PFDN1: variants seen among roughly 807,000 people sequenced by gnomAD.
The protein encoded by PFDN1 is prefoldin 1.
In PFDN1, 6 loss-of-function variants were observed where a neutral mutation model predicts 17.3. The observed-to-expected ratio is 0.35, with a 90% CI of 0.19 to 0.69. The LOEUF is 0.69. Among genes scored for constraint, PFDN1 ranks in the 30% least tolerant of loss-of-function variants. The pLI, the probability that PFDN1 is intolerant of heterozygous loss-of-function variation, is 0.65. For synonymous variants in PFDN1, 58 were observed against 50.1 expected, an observed-to-expected ratio of 1.16 and a Z score of -0.67; for missense variants, 113 against 146.2, an observed-to-expected ratio of 0.77 and a Z score of 1.17.
At chr5:140,285,124 G>A (rs1581095109) in intron 2 of PFDN1, among the ~76,000 whole-genome samples, 2 of 152,142 alleles carry the variant, frequency 1.3e-5, no homozygotes, top group East Asian at 1.9e-4. Flanking sequence ...ACAACAAAAT[G>A]CTTATGACGA....
At position 140,245,153 on chromosome 5, in the gene PFDN1, G is replaced by A. The variant is rs570078647; in HGVS notation, c.*821C>T. On this transcript the variant is annotated 3_prime_UTR_variant, in exon 4 of 4. Coordinates refer to ENST00000261813, the MANE Select transcript of PFDN1 (RefSeq NM_002622.5). ...ATTATAATGGCTGTGTTTGACAACTGGCTTGCAACAAAATTCTTGAAAATT... is the reference window on the plus strand; with the variant it reads ...ATTATAATGGCTGTGTTTGACAACTAGCTTGCAACAAAATTCTTGAAAATT... The A allele has an allele frequency of 2.1e-5, 6 of 284,716 alleles. No individual in the cohort carries two copies. The highest frequency in any genetic ancestry group is 8.7e-5 in the African/African-American group (4 of 46,042). 17.6% of individuals were successfully genotyped at this position (284,716 alleles called of 1,614,324 possible). A position where few individuals can be genotyped will look rare whatever the true frequency, so the allele number is the denominator to read the frequency against.
chr5:140,276,056 GAT>G (rs1765287865), intron 3 of PFDN1, among the ~76,000 whole-genome samples: 3 of 150,654 alleles, frequency 2.0e-5, no homozygotes, highest in Admixed American at 1.3e-4. Flanking sequence ...TGATGATGAT[GAT>G]GATAATTACA....
At chr5:140,263,192 G>A (rs747357778) in intron 3 of PFDN1, among the ~76,000 whole-genome samples, 3 of 152,192 alleles carry the variant, frequency 2.0e-5, no homozygotes, top group East Asian at 1.9e-4. Flanking sequence ...AAAGGGGCTC[G>A]GCCCCTTCTG....
chr5:140,283,100 T>C (rs1765434334), intron 2 of PFDN1, among the ~76,000 whole-genome samples: 1 of 152,220 alleles, frequency 6.6e-6, no homozygotes, highest in Non-Finnish European at 1.5e-5. Context: ...CAATTAGCTA[T>C]GCCCCAACAC....
rs1476662019 is a variant in PFDN1, at chr5:140,246,047, G to T, written c.296C>A (p.Ser99Tyr). 2 of 1,556,022 alleles carry T rather than the reference G, an allele frequency of 1.3e-6. No individual in the cohort carries two copies. The highest frequency in any genetic ancestry group is 8.7e-7 in the Non-Finnish European group (1 of 1,147,532). ...EKIKELEQKK[S>Y]YLERSVKEAE... ...TTCCTTAACGCTTCGCTCCAGGTAG[G>T]ACTTTTTCTGCTGCAATATGAGAGA... Residue 99 changes from serine to tyrosine, a missense_variant, in exon 4 of 4, where the codon TCC becomes TAC. Ser to Tyr is a moderately radical substitution (Grantham distance 144). Coordinates refer to ENST00000261813, the MANE Select transcript of PFDN1 (RefSeq NM_002622.5).
Position 140,256,380 on chromosome 5 carries a change from AAACAAC to A in PFDN1, c.286-10329_286-10324del, listed in dbSNP as rs373938573. ...GGGTGACAGAGCAAGCCTCCATCTC[AAACAAC>A]AACAACAACAACAAAACCAATACTC... On this transcript the variant is annotated intron_variant, in intron 3 of 3. Coordinates refer to ENST00000261813, the MANE Select transcript of PFDN1 (RefSeq NM_002622.5). 9.1e-3 allele frequency among the ~76,000 whole-genome samples: 1,378 copies of A among 151,998 alleles called. 23 individuals carry two copies. Among genetic ancestry groups the A allele is most frequent in the African/African-American group, 0.032 (1,324 of 41,430 alleles).
At chr5:140,264,269 TG>T (rs1765107093) in intron 3 of PFDN1, among the ~76,000 whole-genome samples, 1 of 151,940 alleles carries the variant, frequency 6.6e-6, no homozygotes, top group Non-Finnish European at 1.5e-5. Context: ...CCTCCAACAC[TG>T]GGGATCACAT....
rs1449132723 is a variant in PFDN1 at position 140,254,288 on chromosome 5, T to G, written c.286-8231A>C. Among the ~76,000 whole-genome samples, 1 of 152,050 alleles carries G rather than the reference T, an allele frequency of 6.6e-6. No homozygotes were observed. Among genetic ancestry groups the G allele is most frequent in the South Asian group, 2.1e-4 (1 of 4,834 alleles). Reference sequence around the variant, plus strand: ...TGGGGCTTTAAAGGGTAGGACTGAGTCCAGCAGTTAGAGATTTTTAACTTT... The same window carrying G: ...TGGGGCTTTAAAGGGTAGGACTGAGGCCAGCAGTTAGAGATTTTTAACTTT... On this transcript the variant is annotated intron_variant, in intron 3 of 3. Transcript: ENST00000261813. This position sits in a 1 kb window ranked among gnomAD's most constrained non-coding sequence, Gnocchi z 4.4.
At chr5:140,262,385 T>C (rs1765077442) in intron 3 of PFDN1, 1 of 369,454 alleles carries the variant, frequency 2.7e-6, no homozygotes, top group Non-Finnish European at 5.6e-6. Flanking sequence ...TGTCCCTCTC[T>C]TTCCCTGACT....
At chr5:140,251,100 T>C (rs1764906963) in intron 3 of PFDN1, among the ~76,000 whole-genome samples, 1 of 152,056 alleles carries the variant, frequency 6.6e-6, no homozygotes, top group African/African-American at 2.4e-5. Flanking sequence ...CACACCCAGC[T>C]AATTTTTCTA....
At chr5:140,261,581 T>A (rs1765066583) in intron 3 of PFDN1, among the ~76,000 whole-genome samples, 1 of 152,150 alleles carries the variant, frequency 6.6e-6, no homozygotes, top group Admixed American at 6.5e-5. Context: ...GCTACATGAC[T>A]CATAGGCACC....
chr5:140,247,040 G>C (rs1350731812), intron 3 of PFDN1, among the ~76,000 whole-genome samples: 1 of 152,206 alleles, frequency 6.6e-6, no homozygotes, highest in Non-Finnish European at 1.5e-5. Flanking sequence ...AGCACCTGTT[G>C]ATTCTGTTCC....
intron 2 of PFDN1, among the ~76,000 whole-genome samples, chr5:140,293,757 C>A (rs1765613250): frequency 6.6e-6 from 1 of 151,978 alleles, no homozygotes; most frequent in Admixed American, 6.6e-5. Context: ...TCACTGACAA[C>A]TTAAGGAAAT....
At chr5:140,259,130 T>C (rs1765028318) in intron 3 of PFDN1, among the ~76,000 whole-genome samples, 1 of 152,074 alleles carries the variant, frequency 6.6e-6, no homozygotes, top group South Asian at 2.1e-4. Flanking sequence ...TATGTTCAAA[T>C]AGGAAGAGTG....
chr5:140,253,515 C>G (rs1764946004), intron 3 of PFDN1, among the ~76,000 whole-genome samples: 1 of 152,220 alleles, frequency 6.6e-6, no homozygotes, highest in Admixed American at 6.5e-5. Flanking sequence ...CCTAACACAT[C>G]AGCTTCATGT....
In PFDN1 at chr5:140,245,691, A is replaced by G. The variant is rs1381376517; in HGVS notation, c.*283T>C. ...GGCGTGCCTAGTGGAAAGCTCAGGC[A>G]GAGCTTCCTATCTTGCCCTGGCTCC... On this transcript the variant is annotated 3_prime_UTR_variant, in exon 4 of 4. Transcript: ENST00000261813. The G allele has an allele frequency of 1.6e-6, 1 of 628,230 alleles. No individual in the cohort carries two copies. Among genetic ancestry groups the G allele is most frequent in the Admixed American group, 2.6e-5 (1 of 38,074 alleles). The allele number at this position is 628,230 out of a possible 1,614,324, so 38.9% of individuals were successfully genotyped here.
intron 2 of PFDN1, among the ~76,000 whole-genome samples, chr5:140,286,029 C>T (rs566217410): frequency 4.2e-4 from 63 of 151,240 alleles, no homozygotes; most frequent in African/African-American, 1.5e-3. Flanking sequence ...AAAACCAAAC[C>T]GAAATTTAAA....
intron 3 of PFDN1, among the ~76,000 whole-genome samples, chr5:140,263,129 C>T (rs528228067): frequency 6.6e-6 from 1 of 152,376 alleles, no homozygotes; most frequent in African/African-American, 2.4e-5. Flanking sequence ...CGGCCTCCTC[C>T]ATCTAGTCCA....
At chr5:140,267,427 G>A (rs1183242976) in intron 3 of PFDN1, among the ~76,000 whole-genome samples, 3 of 152,174 alleles carry the variant, frequency 2.0e-5, no homozygotes, top group African/African-American at 7.2e-5. Flanking sequence ...CGCTGAATCC[G>A]AGCATGCTCT....
Sources: allele counts gnomAD v4.1 joint callset (sites outside exome capture counted in the v4.1 genomes callset), GRCh38; gene constraint gnomAD v4.1.1; non-coding constraint Gnocchi (gnomAD v3.1); transcripts MANE v1.5; gene names NCBI Gene and HGNC (gene_info 2026-07-23, HGNC 2026-07-21).